SLCO1A2: variants seen among roughly 807,000 people sequenced by gnomAD.
The protein encoded by SLCO1A2 is OATP-1.
SLCO1A2 carries 67 observed loss-of-function variants against 69.0 expected under a neutral mutation model. That is an observed-to-expected ratio of 0.97 (90% CI 0.80 to 1.19). The LOEUF (loss-of-function observed/expected upper bound fraction) is 1.19, where lower values mean the gene tolerates loss of function less well. SLCO1A2 is among the 50% of genes most tolerant of loss of function. The pLI is 0.00. For missense variants in SLCO1A2, 787 were observed against 793.7 expected (o/e 0.99, Z 0.10); for synonymous variants, 260 against 265.9 (o/e 0.98, Z 0.22).
chr12:21,318,857 T>C lies in SLCO1A2; in HGVS notation c.127A>G (p.Met43Val), dbSNP rs765960128. 4 of 1,611,414 alleles carry C rather than the reference T, an allele frequency of 2.5e-6. No homozygotes were observed. Among genetic ancestry groups the C allele is most frequent in the South Asian group, 2.2e-5 (2 of 90,712 alleles). ...KTLSGSYMNS[M>V]LTQIERQFNI... ...AATTGTCTCTCTATTTGTGTGAGCA[T>C]GGAATTCATATAAGATCCAGACAGT... Residue 43 changes from methionine to valine, a missense_variant, in exon 3 of 15, where the codon ATG (methionine) becomes GTG (valine). Transcript: ENST00000683939.
intron 2 of SLCO1A2, among the ~76,000 whole-genome samples, chr12:21,342,603 G>A (rs1415652864): frequency 3.3e-5 from 5 of 151,686 alleles, no homozygotes; most frequent in Non-Finnish European, 7.4e-5. Flanking sequence ...TTTAACATAA[G>A]GGGTGTATGT....
intron 2 of SLCO1A2, chr12:21,319,455 C>A (rs952646634): frequency 1.8e-5 from 25 of 1,367,248 alleles, no homozygotes; most frequent in Non-Finnish European, 2.3e-5. Context: ...GGGAAATATC[C>A]AGAACAATCT....
chr12:21,272,068 A>T (rs1942973144), intron 14 of SLCO1A2, among the ~76,000 whole-genome samples: 1 of 151,340 alleles, frequency 6.6e-6, no homozygotes, highest in Admixed American at 6.6e-5. Flanking sequence ...CTTTTCAAAC[A>T]TTTGGGGTTT....
In SLCO1A2 at chr12:21,334,716, A is replaced by T; in HGVS notation, c.-62-7T>A. ...GATATGTCTTACTTCTACCCTTTCAAGCAAACAAAAAAATATGTTAAATTA... is the reference window on the plus strand; with the variant it reads ...GATATGTCTTACTTCTACCCTTTCATGCAAACAAAAAAATATGTTAAATTA... On this transcript the variant is annotated splice_polypyrimidine_tract_variant and splice_region_variant and intron_variant, in intron 1 of 14. Transcript: ENST00000683939. The T allele has an allele frequency of 1.6e-6, 2 of 1,266,490 alleles. No homozygotes were observed. The highest frequency in any genetic ancestry group is 2.2e-6 in the Non-Finnish European group (2 of 904,594). 78.5% of individuals were successfully genotyped at this position (1,266,490 alleles called of 1,614,324 possible). A position where few individuals can be genotyped will look rare whatever the true frequency, so the allele number is the denominator to read the frequency against.
Position 21,268,893 on chromosome 12 carries a change from G to A in SLCO1A2, c.*655C>T, listed in dbSNP as rs1409289194. The A allele has an allele frequency of 6.6e-6, 1 of 151,900 alleles. No individual in the cohort carries two copies. Among genetic ancestry groups the A allele is most frequent in the Non-Finnish European group, 1.5e-5 (1 of 67,904 alleles). 9.4% of individuals were successfully genotyped at this position (151,900 alleles called of 1,614,324 possible). On this transcript the variant is annotated 3_prime_UTR_variant, in exon 15 of 15. Coordinates refer to ENST00000683939, the MANE Select transcript of SLCO1A2 (RefSeq NM_001386879.1). ...ACTGAAAAAAAATCCAACAATCTTT[G>A]CCTCATGATGTTTAATAACCTGCTT...
chr12:21,289,728 T>C (rs1173039066), intron 12 of SLCO1A2, among the ~76,000 whole-genome samples: 1 of 150,582 alleles, frequency 6.6e-6, no homozygotes, highest in African/African-American at 2.5e-5. Context: ...CCTTAATGCA[T>C]CGTTTGTCAG....
chr12:21,363,601 G>A (rs1197179208), intron 2 of SLCO1A2, among the ~76,000 whole-genome samples: 1 of 151,986 alleles, frequency 6.6e-6, no homozygotes, highest in Non-Finnish European at 1.5e-5. Flanking sequence ...AATAAATTAA[G>A]CCAGGAGCTG....
At chr12:21,300,029 T>A (rs1482238850) in intron 8 of SLCO1A2, among the ~76,000 whole-genome samples, 1 of 145,768 alleles carries the variant, frequency 6.9e-6, no homozygotes, top group African/African-American at 2.8e-5. Flanking sequence ...TGTGTATATA[T>A]GTGTGTATAT....
At chr12:21,295,932 C>G (rs1947647192) in intron 9 of SLCO1A2, 140 bp from the exon 10 acceptor site, 1 of 578,374 alleles carries the variant, frequency 1.7e-6, no homozygotes, top group Non-Finnish European at 3.0e-6. Context: ...ATTTTATCCC[C>G]ACTTAGTTAC....
chr12:21,301,177 T>G lies in SLCO1A2; in HGVS notation c.682A>C (p.Asn228His). ...ANVYVDTGFV[N>H]TDDLIITPTD... ...ATAGATTTTATTGAATTACCTGTGT[T>G]CACAAATCCAGTGTCAACATAAACA... The change falls in exon 7 of 15, where the codon AAC becomes CAC. Residue 228 changes from asparagine (N) to histidine (H), a missense_variant. Transcript: ENST00000683939. 1 of 1,608,344 alleles carries G rather than the reference T, an allele frequency of 6.2e-7. No individual in the cohort carries two copies. Among genetic ancestry groups the G allele is most frequent in the Non-Finnish European group, 8.5e-7 (1 of 1,175,830 alleles).
chr12:21,306,366 C>A (rs887548320), intron 5 of SLCO1A2, among the ~76,000 whole-genome samples: 1 of 151,938 alleles, frequency 6.6e-6, no homozygotes, highest in Admixed American at 6.6e-5. Flanking sequence ...CACTCTGTTG[C>A]CCAGGCTGGA....
At chr12:21,413,627 C>G (rs1941947171) in intron 1 of SLCO1A2, among the ~76,000 whole-genome samples, 1 of 152,052 alleles carries the variant, frequency 6.6e-6, no homozygotes, top group Non-Finnish European at 1.5e-5. Context: ...TAACATTGAG[C>G]AAATAGTTAA....
rs147075452 is a variant in SLCO1A2 at position 21,352,627 on chromosome 12, T to C, written c.-62-17918A>G. Reference sequence around the variant, plus strand: ...CATCTGTTGTTTATAGACAAAACTTTGTTGCTCTGGGCCTCTGAAACTCAA... The same window carrying C: ...CATCTGTTGTTTATAGACAAAACTTCGTTGCTCTGGGCCTCTGAAACTCAA... On this transcript the variant is annotated intron_variant, in intron 2 of 15. Transcript: ENST00000307378. Among the ~76,000 whole-genome samples the C allele has an allele frequency of 2.6e-5, 4 of 152,350 alleles. No individual in the cohort carries two copies. The East Asian group carries it at 7.7e-4, about 29-fold the overall frequency.
At chr12:21,407,723 C>T (rs1941843235) in intron 1 of SLCO1A2, among the ~76,000 whole-genome samples, 1 of 151,794 alleles carries the variant, frequency 6.6e-6, no homozygotes, top group African/African-American at 2.4e-5. Context: ...TGGAGGATCA[C>T]TTGAGCCTGG....
At chr12:21,378,716 GA>G in intron 1 of SLCO1A2, 1 of 287,936 alleles carries the variant, frequency 3.5e-6, no homozygotes, top group Non-Finnish European at 6.6e-6. Context: ...GAACGAAGGA[GA>G]AAAAGGTAGT....
chr12:21,382,571 G>T (rs146856253), intron 1 of SLCO1A2, among the ~76,000 whole-genome samples: 9,554 of 152,162 alleles, frequency 0.063, 311 homozygotes, highest in African/African-American at 0.088. Flanking sequence ...GCCGAGGTGG[G>T]CGGATCACAA....
intron 1 of SLCO1A2, among the ~76,000 whole-genome samples, chr12:21,403,887 A>G (rs1941779635): frequency 6.6e-6 from 1 of 152,060 alleles, no homozygotes; most frequent in Non-Finnish European, 1.5e-5. Context: ...GTGTCTTGTA[A>G]ATCAAATATA....
rs529038981 is a variant in SLCO1A2, at chr12:21,292,516, G to A, written c.1438-180C>T. Among the ~76,000 whole-genome samples, 108 of 151,876 alleles carry A rather than the reference G, an allele frequency of 7.1e-4. 1 individual carries two copies. Among genetic ancestry groups the A allele is most frequent in the Non-Finnish European group, 1.5e-3 (99 of 67,966 alleles). Reference sequence around the variant, plus strand: ...ACTGGAAGGGTGATTTCAGAAAAACGGTATATTTTTCTAAATATGAATAGT... The same window carrying A: ...ACTGGAAGGGTGATTTCAGAAAAACAGTATATTTTTCTAAATATGAATAGT... On this transcript the variant is annotated intron_variant, in intron 11 of 14. Coordinates refer to ENST00000683939, the MANE Select transcript of SLCO1A2 (RefSeq NM_001386879.1).
At chr12:21,375,650 T>C (rs1347237994) in intron 1 of SLCO1A2, among the ~76,000 whole-genome samples, 7 of 152,150 alleles carry the variant, frequency 4.6e-5, no homozygotes, top group Non-Finnish European at 8.8e-5. Context: ...ATCACTAGGA[T>C]CTCCCTGCAG....
Sources: allele counts gnomAD v4.1 joint callset (sites outside exome capture counted in the v4.1 genomes callset), GRCh38; gene constraint gnomAD v4.1.1; transcripts MANE v1.5; gene names NCBI Gene and HGNC (gene_info 2026-07-23, HGNC 2026-07-21).